Variants in KANK2 observed in about 807,000 individuals in gnomAD.
KANK2 encodes the protein KN motif and ankyrin repeat domains 2.
A neutral mutation model predicts 74.6 loss-of-function variants in KANK2; 41 were observed. The ratio of observed to expected loss-of-function variants is 0.55; its 90% CI spans 0.43 to 0.71. The LOEUF (loss-of-function observed/expected upper bound fraction) is 0.71. Ranked by LOEUF, KANK2 falls within the 30% of genes least tolerant of loss-of-function variation. KANK2 has a pLI of 0.00. For missense variants in KANK2, 1,148 were observed against 1,196.4 expected (o/e 0.96, Z 0.60); for synonymous variants, 537 against 519.0 (o/e 1.03, Z -0.47).
At position 11,178,437 on chromosome 19, in the gene KANK2, C is replaced by CG; in HGVS notation, c.1427dup (p.Ala477GlyfsTer33). 6.3e-7 allele frequency: 1 copy of CG among 1,596,740 alleles called. No individual in the cohort carries two copies. Among genetic ancestry groups the CG allele is most frequent in the African/African-American group, 1.4e-5 (1 of 73,688 alleles). On this transcript the variant is annotated frameshift_variant, in exon 6 of 13. Coordinates refer to ENST00000586659, the MANE Select transcript of KANK2 (RefSeq NM_001136191.3). LOFTEE classifies it high-confidence loss of function. ...GTTTCATGATAGATCGCACGCCTGCCGGGGGCCCGCCTGGAGGGGAGGACA... is the reference window on the plus strand; with the variant it reads ...GTTTCATGATAGATCGCACGCCTGCCGGGGGGCCCGCCTGGAGGGGAGGACA...
intron 4 of KANK2, among the ~76,000 whole-genome samples, chr19:11,188,824 G>A (rs942015667): frequency 1.3e-5 from 2 of 151,532 alleles, no homozygotes; most frequent in African/African-American, 2.4e-5. Flanking sequence ...TCTACTAAAA[G>A]TACAAGAAAA....
At chr19:11,166,699 T>G in intron 12 of KANK2, 88 bp from the exon 13 acceptor site, 1 of 1,297,196 alleles carries the variant, frequency 7.7e-7, no homozygotes, top group Non-Finnish European at 1.1e-6. Flanking sequence ...GTAGATATGA[T>G]GGGTAAGCAG....
intron 4 of KANK2, among the ~76,000 whole-genome samples, chr19:11,186,515 T>TG (rs374523909): frequency 1.3e-5 from 2 of 151,842 alleles, no homozygotes; most frequent in Non-Finnish European, 2.9e-5. Context: ...CTGACCAACA[T>TG]GGAGAAACCC....
chr19:11,194,553 T>C lies in KANK2; in HGVS notation c.-42A>G, dbSNP rs2078960950. On this transcript the variant is annotated 5_prime_UTR_variant, in exon 3 of 13. Coordinates refer to ENST00000586659, the MANE Select transcript of KANK2 (RefSeq NM_001136191.3). ...GCTCCTTGGAAGTCACTTGAGGGAC[T>C]GCGAGTCAGACTGCCTGCAGCACCG... The C allele has an allele frequency of 1.9e-6, 3 of 1,561,738 alleles. No individual in the cohort carries two copies. Among genetic ancestry groups the C allele is most frequent in the East Asian group, 4.5e-5 (2 of 44,620 alleles).
chr19:11,186,033 AAAAC>A (rs2078664819), intron 4 of KANK2, among the ~76,000 whole-genome samples: 1 of 150,572 alleles, frequency 6.6e-6, no homozygotes, highest in Admixed American at 6.6e-5. Context: ...CCTGTCTCAA[AAAAC>A]AAACAAAACA....
intron 4 of KANK2, among the ~76,000 whole-genome samples, chr19:11,181,805 A>G (rs979290758): frequency 2.0e-5 from 3 of 152,164 alleles, no homozygotes; most frequent in Non-Finnish European, 2.9e-5. Context: ...CTTGGGCAAC[A>G]TAGGGAGATC....
chr19:11,165,875 G>A lies in KANK2; in HGVS notation c.*683C>T, dbSNP rs1262786294. 6 of 152,152 alleles carry A rather than the reference G, an allele frequency of 3.9e-5. No homozygotes were observed. 9.4% of individuals were successfully genotyped at this position (152,152 alleles called of 1,614,324 possible). A position where few individuals can be genotyped will look rare whatever the true frequency, so the allele number is the denominator to read the frequency against. On this transcript the variant is annotated 3_prime_UTR_variant, in exon 13 of 13. Transcript: ENST00000586659. ...GGCCGGTAATTTCTCATTGTGAATT[G>A]ATTGGGTCCCTGTAAGTCACAGAGC...
intron 10 of KANK2, among the ~76,000 whole-genome samples, chr19:11,172,280 AT>A (rs1448388523): frequency 2.0e-5 from 3 of 152,104 alleles, no homozygotes; most frequent in Non-Finnish European, 4.4e-5. Flanking sequence ...CCTGGCCTTA[AT>A]TTTTTGAAAA....
chr19:11,168,005 GTTTTTTT>G (rs528176321), intron 12 of KANK2, among the ~76,000 whole-genome samples: 6 of 115,012 alleles, frequency 5.2e-5, no homozygotes, highest in Middle Eastern at 9.9e-3. Context: ...CCACGTCCTT[GTTTTTTT>G]TTTTTTTTTT....
chr19:11,173,042 T>G lies in KANK2; in HGVS notation c.2150A>C (p.Asp717Ala). 6.2e-7 allele frequency: 1 copy of G among 1,614,106 alleles called. No individual in the cohort carries two copies. Among genetic ancestry groups the G allele is most frequent in the Non-Finnish European group, 8.5e-7 (1 of 1,180,002 alleles). The change falls in exon 10 of 13, where the codon GAC becomes GCC. Residue 717 changes from aspartate to alanine, a missense_variant. Coordinates refer to ENST00000586659, the MANE Select transcript of KANK2 (RefSeq NM_001136191.3). ...LTALATLKTQ[D>A]DIETVLQLFR... ...GAGCTGAAGGACAGTCTCGATGTCG[T>G]CCTGGGTCTTCAGGGTGGCCAGGGC... is the stretch of plus-strand genomic sequence containing the variant.
intron 7 of KANK2, 67 bp from the exon 8 acceptor site, chr19:11,176,056 A>T (rs1760024689): frequency 3.3e-6 from 4 of 1,230,656 alleles, no homozygotes; most frequent in Non-Finnish European, 4.8e-6. Context: ...GGGACTTGAC[A>T]TTCTGCACCA....
rs2078132207 is a variant in KANK2, at chr19:11,170,129, C to T, written c.2331G>A (p.Met777Ile). Residue 777 changes from methionine (M) to isoleucine (I), a missense_variant, in exon 11 of 13, where the codon ATG becomes ATA. By Grantham distance (10) the Met-to-Ile change is conservative. Transcript: ENST00000586659. This position sits in a 1 kb window ranked among gnomAD's most constrained non-coding sequence, Gnocchi z 5.2. ...CCTTGTGGCCGTGCTCACAGGCGCA[C>T]ATGAGGGCCGTGGAGCCGTCATCAT... ...VQDDDGSTAL[M>I]CACEHGHKEI... is the part of the protein sequence containing the mutation. 6.2e-7 allele frequency: 1 copy of T among 1,613,090 alleles called. No individual in the cohort carries two copies. Among genetic ancestry groups the T allele is most frequent in the Admixed American group, 1.7e-5 (1 of 60,034 alleles).
chr19:11,186,342 C>T (rs752676002), intron 4 of KANK2, among the ~76,000 whole-genome samples: 1 of 149,380 alleles, frequency 6.7e-6, no homozygotes, highest in Non-Finnish European at 1.5e-5. Flanking sequence ...GAGCCAAGAT[C>T]GCGCCACCGC....
Position 11,174,755 on chromosome 19 carries a change from C to A in KANK2, c.1849-63G>T. On this transcript the variant is annotated intron_variant, in intron 8 of 12. Coordinates refer to ENST00000586659, the MANE Select transcript of KANK2 (RefSeq NM_001136191.3). ...GGGAGGCCCACTGGGACACCCCCCA[C>A]CCCAGATGCGCCCCCGGAGCAAAGC... 1.5e-6 allele frequency: 2 copies of A among 1,332,602 alleles called. 1 individual carries two copies. Among genetic ancestry groups the A allele is most frequent in the Middle Eastern group, 5.1e-4 (2 of 3,920 alleles). The allele number at this position is 1,332,602 out of a possible 1,614,324, so 82.5% of individuals were successfully genotyped here.
In KANK2 at chr19:11,164,721, TCCATCCATCCATCCATCCATCCATC is replaced by T. The variant is rs1176309638; in HGVS notation, c.*1812_*1836del. On this transcript the variant is annotated 3_prime_UTR_variant, in exon 13 of 13. Transcript: ENST00000586659. ...CACCATCTATCTATTCATCCATCCATCCATCCATCCATCCATCCATCCATCCATCCATCCATCCTGCTTGTCTCCT... is the reference window on the plus strand; with the variant it reads ...CACCATCTATCTATTCATCCATCCATCATCCATCCATCCTGCTTGTCTCCT... 3.9e-4 allele frequency: 7 copies of T among 17,888 alleles called. No individual in the cohort carries two copies. Among genetic ancestry groups the T allele is most frequent in the Admixed American group, 2.7e-3 (4 of 1,494 alleles). 1.1% of individuals were successfully genotyped at this position (17,888 alleles called of 1,614,324 possible).
chr19:11,194,397 G>C, intron 3 of KANK2, 78 bp downstream of exon 3: 1 of 1,206,530 alleles, frequency 8.3e-7, no homozygotes, highest in Non-Finnish European at 1.2e-6. Context: ...AAAGTCCCCA[G>C]GGCAAGGTCC....
At position 11,166,476 on chromosome 19, in the gene KANK2, C is replaced by T; in HGVS notation, c.*82G>A. 1 of 1,320,718 alleles carries T rather than the reference C, an allele frequency of 7.6e-7. No homozygotes were observed. The allele number at this position is 1,320,718 out of a possible 1,614,324, so 81.8% of individuals were successfully genotyped here. A position where few individuals can be genotyped will look rare whatever the true frequency, so the allele number is the denominator to read the frequency against. On this transcript the variant is annotated 3_prime_UTR_variant, in exon 13 of 13. Transcript: ENST00000586659. ...CCTTGGGGAGTGTGAGTGGGGTGGG[C>T]CAGGGAGGAACGGGAACAGGGAGGA...
chr19:11,185,159 C>T (rs1600818736), intron 4 of KANK2, among the ~76,000 whole-genome samples: 2 of 148,378 alleles, frequency 1.3e-5, no homozygotes, highest in South Asian at 4.3e-4. Flanking sequence ...GTGGCTCACG[C>T]CTGTAATCCC....
Position 11,193,387 on chromosome 19 carries a change from C to T in KANK2, c.693G>A (p.Lys231=). The change falls in exon 4 of 13, where the codon AAG becomes AAA. Residue 231 remains lysine, a synonymous_variant. Coordinates refer to ENST00000586659, the MANE Select transcript of KANK2 (RefSeq NM_001136191.3). This position sits in a 1 kb window ranked among gnomAD's most constrained non-coding sequence, Gnocchi z 9.6. ...TGGGGTGGCCCAGGAACTTCTGGCT[C>T]TTAAGTTGTACTGTGAGCTGCCGCT... The part of the protein sequence containing the change: ...EEKRQLTVQL[K]SQKFLGHPTA... 1.2e-6 allele frequency: 2 copies of T among 1,612,928 alleles called. No individual in the cohort carries two copies. Among genetic ancestry groups the T allele is most frequent in the Non-Finnish European group, 1.7e-6 (2 of 1,179,994 alleles).
Sources: allele counts gnomAD v4.1 joint callset (sites outside exome capture counted in the v4.1 genomes callset), GRCh38; gene constraint gnomAD v4.1.1; non-coding constraint Gnocchi (gnomAD v3.1); transcripts MANE v1.5; gene names NCBI Gene and HGNC (gene_info 2026-07-23, HGNC 2026-07-21).